The following DCDC1 variants were observed in gnomAD, a reference collection of about 807,000 sequenced individuals.
The protein encoded by DCDC1 is doublecortin domain-containing protein 1.
DCDC1 carries 200 observed loss-of-function variants against 178.3 expected under a neutral mutation model. The ratio of observed to expected loss-of-function variants is 1.12; its 90% CI spans 1.00 to 1.26. The LOEUF is 1.26. Among genes scored for constraint, DCDC1 ranks in the 50% most tolerant of loss-of-function variants. DCDC1 has a pLI of 0.00. For synonymous variants in DCDC1, 690 were observed against 604.8 expected (o/e 1.14, Z -2.07); for missense variants, 1,983 against 1,749.2 (o/e 1.13, Z -2.38).
chr11:31,218,546 T>C (rs1973858168), intron 9 of DCDC1, among the ~76,000 whole-genome samples: 2 of 152,176 alleles, frequency 1.3e-5, no homozygotes, highest in Admixed American at 6.6e-5. Context: ...TGGGTTACAT[T>C]TATTGCCCAG....
chr11:30,941,697 GAA>G (rs1947652756), intron 21 of DCDC1, among the ~76,000 whole-genome samples: 1 of 152,022 alleles, frequency 6.6e-6, no homozygotes. Context: ...TACATTCCCT[GAA>G]AAGTTTTTGA....
At chr11:31,251,966 A>G (rs1352377763) in intron 8 of DCDC1, among the ~76,000 whole-genome samples, 1 of 152,200 alleles carries the variant, frequency 6.6e-6, no homozygotes, top group East Asian at 1.9e-4. Context: ...CATGAAGGCC[A>G]TTCAGGCCAT....
chr11:30,886,453 AG>A (rs1943178729), intron 36 of DCDC1, among the ~76,000 whole-genome samples: 1 of 152,146 alleles, frequency 6.6e-6, no homozygotes, highest in Non-Finnish European at 1.5e-5. Context: ...TATTTCTTGC[AG>A]TTCTGGAGTC....
chr11:30,965,561 G>A (rs1427489769), intron 20 of DCDC1, among the ~76,000 whole-genome samples: 6 of 151,432 alleles, frequency 4.0e-5, no homozygotes, highest in African/African-American at 1.5e-4. Flanking sequence ...TCATAGATTG[G>A]AAGACCTAAT....
chr11:30,993,507 A>G (rs1347498321), intron 20 of DCDC1, among the ~76,000 whole-genome samples: 2 of 152,148 alleles, frequency 1.3e-5, no homozygotes, highest in African/African-American at 2.4e-5. Context: ...TTGAAAACCA[A>G]TGAACAACAG....
At chr11:30,957,655 T>C (rs1948845882) in intron 20 of DCDC1, among the ~76,000 whole-genome samples, 1 of 152,164 alleles carries the variant, frequency 6.6e-6, no homozygotes, top group African/African-American at 2.4e-5. Context: ...CAACTGTGCT[T>C]TTGAAAAACA....
At chr11:30,905,704 T>C (rs1227786408) in intron 30 of DCDC1, among the ~76,000 whole-genome samples, 1 of 152,200 alleles carries the variant, frequency 6.6e-6, no homozygotes, top group Non-Finnish European at 1.5e-5. Flanking sequence ...CTGGGGATTC[T>C]TTCCAACCAA....
chr11:31,147,441 T>C (rs1964565469), intron 9 of DCDC1, among the ~76,000 whole-genome samples: 1 of 152,198 alleles, frequency 6.6e-6, no homozygotes, highest in African/African-American at 2.4e-5. Flanking sequence ...AGCAACAATA[T>C]TATTGTGACA....
intron 18 of DCDC1, among the ~76,000 whole-genome samples, chr11:31,066,529 G>C (rs373161748): frequency 2.0e-5 from 3 of 152,088 alleles, no homozygotes; most frequent in African/African-American, 7.2e-5. Context: ...ACGGCACTAA[G>C]GTACTTACAT....
intron 10 of DCDC1, among the ~76,000 whole-genome samples, chr11:31,137,353 A>AG (rs1963260775): frequency 8.0e-6 from 1 of 124,906 alleles, no homozygotes; most frequent in Admixed American, 8.8e-5. Flanking sequence ...TGTTCATTGC[A>AG]GGTTTTTTTT....
chr11:30,949,874 G>A (rs533394006), intron 21 of DCDC1, among the ~76,000 whole-genome samples: 50 of 152,148 alleles, frequency 3.3e-4, no homozygotes, highest in Non-Finnish European at 6.3e-4. Flanking sequence ...GGCTAGGGGA[G>A]GAATAGCATT....
At chr11:31,283,308 TG>T (rs1946580868) in intron 7 of DCDC1, among the ~76,000 whole-genome samples, 2 of 152,086 alleles carry the variant, frequency 1.3e-5, no homozygotes, top group African/African-American at 4.8e-5. Flanking sequence ...TTCATTGCCC[TG>T]TCTTGAAGTT....
At chr11:30,979,400 T>C (rs572557972) in intron 20 of DCDC1, among the ~76,000 whole-genome samples, 1 of 152,318 alleles carries the variant, frequency 6.6e-6, no homozygotes, top group African/African-American at 2.4e-5. Context: ...TATTTACTAG[T>C]TGCATAAATC....
chr11:31,250,857 C>T (rs575635016), intron 8 of DCDC1, among the ~76,000 whole-genome samples: 2 of 151,716 alleles, frequency 1.3e-5, no homozygotes, highest in African/African-American at 2.4e-5. Context: ...TGGGTTCAAG[C>T]GATTCTCCTG....
chr11:31,149,969 T>C (rs1315331937), intron 9 of DCDC1, among the ~76,000 whole-genome samples: 3 of 152,206 alleles, frequency 2.0e-5, no homozygotes, highest in Non-Finnish European at 4.4e-5. Flanking sequence ...CGGGATCAAA[T>C]GGTTGTTCTA....
At chr11:31,134,361 G>A (rs566049922) in intron 10 of DCDC1, among the ~76,000 whole-genome samples, 3 of 152,308 alleles carry the variant, frequency 2.0e-5, no homozygotes, top group African/African-American at 7.2e-5. Context: ...TAGCACCAAT[G>A]TCTGAGGATA....
At chr11:30,979,881 T>C (rs1950299629) in intron 20 of DCDC1, among the ~76,000 whole-genome samples, 1 of 152,196 alleles carries the variant, frequency 6.6e-6, no homozygotes, top group South Asian at 2.1e-4. Context: ...CTCTGTTCTT[T>C]TACAGCAAAA....
chr11:31,055,363 A>G (rs763657650), intron 20 of DCDC1, among the ~76,000 whole-genome samples: 5 of 152,202 alleles, frequency 3.3e-5, no homozygotes, highest in South Asian at 2.1e-4. Flanking sequence ...TGAACAGGGA[A>G]CACTTCTACA....
chr11:31,356,243 A>T (rs1006602170), intron 1 of DCDC1, among the ~76,000 whole-genome samples: 1 of 152,236 alleles, frequency 6.6e-6, no homozygotes, highest in African/African-American at 2.4e-5. Context: ...TAACTGAAGA[A>T]AATGTAGCTA....
Sources: allele counts gnomAD v4.1 joint callset (sites outside exome capture counted in the v4.1 genomes callset), GRCh38; gene constraint gnomAD v4.1.1; transcripts MANE v1.5; gene names NCBI Gene and HGNC (gene_info 2026-07-23, HGNC 2026-07-21).